Variants in NEK1 observed in about 807,000 individuals in gnomAD.
NEK1 encodes the protein serine/threonine-protein kinase Nek1.
NEK1 carries 137 observed loss-of-function variants against 182.1 expected under a neutral mutation model. The ratio of observed to expected loss-of-function variants is 0.75; its 90% confidence interval spans 0.65 to 0.87. The LOEUF (loss-of-function observed/expected upper bound fraction) is 0.87. Among genes scored for constraint, NEK1 ranks in the 40% least tolerant of loss-of-function variants. The pLI is 0.00. For missense variants in NEK1, 1,391 were observed against 1,494.4 expected, an observed-to-expected ratio of 0.93 and a Z score of 1.14; for synonymous variants, 513 against 492.2, an observed-to-expected ratio of 1.04 and a Z score of -0.56.
In NEK1 at chr4:169,516,441, C is replaced by T. The variant is rs1339109361; in HGVS notation, c.1666-7589G>A. 6.2e-4 allele frequency among the ~76,000 whole-genome samples: 68 copies of T among 108,824 alleles called. 4 individuals carry two copies. Among genetic ancestry groups the T allele is most frequent in the Non-Finnish European group, 1.1e-3 (63 of 56,866 alleles). 71.4% of individuals were successfully genotyped at this position (108,824 alleles called of 152,430 possible). A position where few individuals can be genotyped will look rare whatever the true frequency, so the allele number is the denominator to read the frequency against. ...TGAGTAGGTTGCGAAAATTTTCTCC[C>T]ATGTTGTAGGTTGCCTGTTCACTCT... On this transcript the variant is annotated intron_variant, in intron 19 of 35. Coordinates refer to ENST00000507142, the MANE Select transcript of NEK1 (RefSeq NM_001199397.3).
intron 27 of NEK1, among the ~76,000 whole-genome samples, chr4:169,453,746 A>T (rs1742298469): frequency 6.6e-6 from 1 of 152,232 alleles, no homozygotes; most frequent in Non-Finnish European, 1.5e-5. Flanking sequence ...TTTAATATCT[A>T]TAGAAACAAT....
In NEK1 at chr4:169,601,597, C is replaced by T. The variant is rs182136609; in HGVS notation, c.214+411G>A. On this transcript the variant is annotated intron_variant, in intron 4 of 35. Transcript: ENST00000507142. ...ATTTTCTCAGTGGTAGTGGTGGCAG[C>T]ACTTACAGGAAGTTCAGTTAAAAAA... Among the ~76,000 whole-genome samples, 617 of 152,184 alleles carry T rather than the reference C, an allele frequency of 4.1e-3. 4 individuals carry two copies. Among genetic ancestry groups the T allele is most frequent in the Admixed American group, 7.6e-3 (116 of 15,296 alleles).
At chr4:169,482,996 G>A (rs942249001) in intron 23 of NEK1, among the ~76,000 whole-genome samples, 1 of 152,090 alleles carries the variant, frequency 6.6e-6, no homozygotes, top group African/African-American at 2.4e-5. Context: ...TTGGATAACT[G>A]GCGCAAGAGG....
At chr4:169,538,043 A>C in intron 18 of NEK1, 132 bp from the exon 19 acceptor site, 1 of 585,832 alleles carries the variant, frequency 1.7e-6, no homozygotes, top group Non-Finnish European at 3.0e-6. Flanking sequence ...TCTGTAATGA[A>C]GAAATCACTA....
chr4:169,542,337 C>CT (rs1391415934), intron 18 of NEK1, among the ~76,000 whole-genome samples: 1 of 152,106 alleles, frequency 6.6e-6, no homozygotes, highest in East Asian at 1.9e-4. Flanking sequence ...TGAACTCATT[C>CT]TTTTTTATGG....
At chr4:169,495,574 T>G (rs1472859851) in intron 23 of NEK1, among the ~76,000 whole-genome samples, 1 of 152,194 alleles carries the variant, frequency 6.6e-6, no homozygotes, top group Non-Finnish European at 1.5e-5. Flanking sequence ...TGAATTAATT[T>G]TTGTATAAAG....
chr4:169,435,297 G>C (rs1738194820), intron 28 of NEK1, among the ~76,000 whole-genome samples: 1 of 152,006 alleles, frequency 6.6e-6, no homozygotes. Flanking sequence ...ATTAATGAGG[G>C]CGCCACTCTC....
intron 31 of NEK1, among the ~76,000 whole-genome samples, chr4:169,407,241 A>C (rs770230076): frequency 2.6e-5 from 4 of 152,168 alleles, no homozygotes; most frequent in Non-Finnish European, 4.4e-5. Context: ...AACTTGCCCC[A>C]CACAGTCTTG....
chr4:169,522,485 T>A (rs1756236000), intron 19 of NEK1, among the ~76,000 whole-genome samples: 2 of 152,242 alleles, frequency 1.3e-5, no homozygotes, highest in Admixed American at 1.3e-4. Flanking sequence ...ATGCAGGAAG[T>A]AGCCTGTCAA....
At chr4:169,539,696 G>A (rs1455599642) in intron 18 of NEK1, among the ~76,000 whole-genome samples, 1 of 152,134 alleles carries the variant, frequency 6.6e-6, no homozygotes, top group East Asian at 1.9e-4. Context: ...GAACCTTCAG[G>A]TATGATGCTC....
chr4:169,602,408 C>CTTTA, intron 3 of NEK1, 106 bp downstream of exon 3: 1 of 694,630 alleles, frequency 1.4e-6, no homozygotes, highest in Non-Finnish European at 2.5e-6. Flanking sequence ...GAGTCTTTTG[C>CTTTA]TTTAGGTTAT....
At chr4:169,576,662 G>T in intron 12 of NEK1, 1 of 262,424 alleles carries the variant, frequency 3.8e-6, no homozygotes, top group East Asian at 9.4e-5. Flanking sequence ...AAATGGCTCT[G>T]CTTAGGTTGC....
At chr4:169,539,208 G>A (rs1042040645) in intron 18 of NEK1, among the ~76,000 whole-genome samples, 1 of 152,114 alleles carries the variant, frequency 6.6e-6, no homozygotes, top group African/African-American at 2.4e-5. Context: ...TGAGTAGGCT[G>A]AACACAATGC....
At position 169,479,467 on chromosome 4, in the gene NEK1, G is replaced by C. The variant is rs534649967; in HGVS notation, c.2075C>G (p.Ser692Cys). 2.5e-6 allele frequency: 4 copies of C among 1,611,880 alleles called. No individual in the cohort carries two copies. The highest frequency in any genetic ancestry group is 3.4e-6 in the Non-Finnish European group (4 of 1,178,910). The change falls in exon 24 of 36, where the codon TCT (serine) becomes TGT (cysteine). Residue 692 changes from serine to cysteine, a missense_variant. Physicochemically the swap from Ser to Cys is moderately radical, Grantham distance 112 (BLOSUM62 -1). Transcript: ENST00000507142. ...PPLGQHETGG[S>C]PSKQQMRSVI... The stretch of plus-strand genomic sequence containing the variant: ...AGATCTCATCTGTTGCTTTGATGGA[G>C]AGCCACCTGTTTCATGCTGTCCCAA...
At chr4:169,558,573 G>A (rs72692934) in intron 16 of NEK1, among the ~76,000 whole-genome samples, 13,438 of 152,178 alleles carry the variant, frequency 0.088, 775 homozygotes, top group African/African-American at 0.16. Flanking sequence ...TTTTAAGATT[G>A]ATCCATGGTG....
At position 169,580,859 on chromosome 4, in the gene NEK1, C is replaced by T; in HGVS notation, c.851G>A (p.Gly284Glu). 6.5e-7 allele frequency: 1 copy of T among 1,533,598 alleles called. No individual in the cohort carries two copies. The highest frequency in any genetic ancestry group is 8.8e-7 in the Non-Finnish European group (1 of 1,135,342). 95.0% of individuals were successfully genotyped at this position (1,533,598 alleles called of 1,614,324 possible). Reference protein sequence around the residue: ...EFCLKTFSKFGSQPIPAKRPA... With the variant: ...EFCLKTFSKFESQPIPAKRPA... ...TCATTTACCTGGTATAGGCTGTGAT[C>T]CAAACTTCGAAAATGTTTTTAGACA... The change falls in exon 11 of 36, where the codon GGA (glycine) becomes GAA (glutamate). Residue 284 changes from glycine to glutamate, a missense_variant. Coordinates refer to ENST00000507142, the MANE Select transcript of NEK1 (RefSeq NM_001199397.3).
In NEK1 at chr4:169,612,401, G is replaced by T. The variant is rs995941901; in HGVS notation, c.-352C>A. 2 of 152,268 alleles carry T rather than the reference G, an allele frequency of 1.3e-5. No individual in the cohort carries two copies. The highest frequency in any genetic ancestry group is 1.3e-4 in the Admixed American group (2 of 15,280). The allele number at this position is 152,268 out of a possible 1,614,324, so 9.4% of individuals were successfully genotyped here. On this transcript the variant is annotated 5_prime_UTR_variant, in exon 1 of 36. Coordinates refer to ENST00000507142, the MANE Select transcript of NEK1 (RefSeq NM_001199397.3). ...CCGCCTCTCCAACTTCACAGAGGTC[G>T]TTGCTAGTGGCCACGGCGGGGTGGG...
chr4:169,562,167 A>G lies in NEK1; in HGVS notation c.1050T>C (p.Asn350=). The change falls in exon 13 of 36, where the codon AAT becomes AAC. Residue 350 remains asparagine, a synonymous_variant. Transcript: ENST00000507142. The part of the protein sequence containing the change: ...QAHQTPEKRV[N]TGEERRKISE... The stretch of plus-strand genomic sequence containing the variant: ...ATATTTTCCTCCTTTCTTCTCCAGT[A>G]TTCACTCTCTTCTCTGGAGTTTGAT... 6.5e-7 allele frequency: 1 copy of G among 1,549,398 alleles called. No individual in the cohort carries two copies. Among genetic ancestry groups the G allele is most frequent in the Non-Finnish European group, 8.7e-7 (1 of 1,144,664 alleles).
intron 23 of NEK1, among the ~76,000 whole-genome samples, chr4:169,481,324 A>G (rs1382973148): frequency 6.6e-6 from 1 of 152,208 alleles, no homozygotes; most frequent in East Asian, 1.9e-4. Context: ...TGGCATCTAG[A>G]ATGATGAATG....
Sources: gnomAD v4.1 joint callset for allele counts (sites outside exome capture counted in the v4.1 genomes callset) on GRCh38, gnomAD v4.1.1 for gene constraint, MANE v1.5 for transcripts, NCBI Gene and HGNC (gene_info 2026-07-23, HGNC 2026-07-21) for gene names.